SLC5A11: variants seen among roughly 807,000 people sequenced by gnomAD.
The protein encoded by SLC5A11 is solute carrier family 5 member 11.
A neutral mutation model predicts 69.8 loss-of-function variants in SLC5A11; 48 were observed. That is an observed-to-expected ratio of 0.69 (90% CI 0.55 to 0.87). The LOEUF (loss-of-function observed/expected upper bound fraction) is 0.87, where lower values mean the gene tolerates loss of function less well. Among genes scored for constraint, SLC5A11 ranks in the 40% least tolerant of loss-of-function variants. The probability of loss-of-function intolerance (pLI) is 0.00; values close to 1 mark genes in which losing one functional copy is unlikely to be tolerated. For missense variants in SLC5A11, 784 were observed against 866.1 expected (o/e 0.91, Z 1.19); for synonymous variants, 319 against 342.4 (o/e 0.93, Z 0.75).
chr16:24,856,170 G>A (rs1370792414), intron 1 of SLC5A11, among the ~76,000 whole-genome samples: 1 of 152,220 alleles, frequency 6.6e-6, no homozygotes, highest in African/African-American at 2.4e-5. Flanking sequence ...GCATTCAGCA[G>A]GGGGAGGCCT....
At chr16:24,846,462 CA>C (rs2059017734) in intron 1 of SLC5A11, 24 bp downstream of exon 2, 1 of 152,744 alleles carries the variant, frequency 6.5e-6, no homozygotes, top group South Asian at 2.1e-4. Context: ...TGCCCCCAAA[CA>C]GGTAGCCACT....
At chr16:24,892,786 G>T (rs1450313158) in intron 9 of SLC5A11, among the ~76,000 whole-genome samples, 1 of 152,134 alleles carries the variant, frequency 6.6e-6, no homozygotes, top group Non-Finnish European at 1.5e-5. Context: ...AGACTTCAGA[G>T]AATGAAACCC....
chr16:24,868,742 TAAG>T (rs1323611594), intron 3 of SLC5A11, among the ~76,000 whole-genome samples: 2 of 152,016 alleles, frequency 1.3e-5, no homozygotes, highest in Non-Finnish European at 2.9e-5. Flanking sequence ...GGAAAGTCAA[TAAG>T]GAGGTAAAAT....
chr16:24,902,332 A>T (rs1301924359), intron 10 of SLC5A11, among the ~76,000 whole-genome samples: 3 of 152,072 alleles, frequency 2.0e-5, no homozygotes, highest in Admixed American at 2.0e-4. Context: ...TAAGGGGGAA[A>T]AAAAAAAGGA....
chr16:24,905,401 C>G (rs1329603884), intron 10 of SLC5A11, among the ~76,000 whole-genome samples: 1 of 151,256 alleles, frequency 6.6e-6, no homozygotes, highest in Non-Finnish European at 1.5e-5. Flanking sequence ...CGAGATTGTG[C>G]CACGCACTCC....
At chr16:24,863,084 T>C (rs1204833388) in intron 3 of SLC5A11, among the ~76,000 whole-genome samples, 2 of 143,826 alleles carry the variant, frequency 1.4e-5, no homozygotes, top group African/African-American at 2.5e-5. Context: ...TTATATATTA[T>C]ATATAATAGA....
intron 8 of SLC5A11, among the ~76,000 whole-genome samples, chr16:24,888,831 C>G (rs2048577401): frequency 1.8e-5 from 2 of 111,200 alleles, no homozygotes; most frequent in Non-Finnish European, 1.7e-5. Context: ...GAGTCTGGCT[C>G]TGTTGCCCAG....
intron 1 of SLC5A11, among the ~76,000 whole-genome samples, chr16:24,851,490 A>C (rs1398318004): frequency 6.6e-6 from 1 of 152,086 alleles, no homozygotes; most frequent in Non-Finnish European, 1.5e-5. Flanking sequence ...GGTTGCAGTG[A>C]GCCAAGATTG....
At chr16:24,896,411 T>C (rs1250802914) in intron 9 of SLC5A11, among the ~76,000 whole-genome samples, 1 of 151,740 alleles carries the variant, frequency 6.6e-6, no homozygotes, top group Non-Finnish European at 1.5e-5. Context: ...AGGAGGATCA[T>C]TTGAGCCCAG....
At chr16:24,850,187 C>T (rs948527709) in intron 1 of SLC5A11, among the ~76,000 whole-genome samples, 1 of 152,058 alleles carries the variant, frequency 6.6e-6, no homozygotes, top group East Asian at 1.9e-4. Context: ...CGGCCTCAAG[C>T]GATCTTCATG....
At chr16:24,851,670 A>G (rs1365276338) in intron 1 of SLC5A11, among the ~76,000 whole-genome samples, 3 of 152,238 alleles carry the variant, frequency 2.0e-5, no homozygotes, top group Non-Finnish European at 4.4e-5. Context: ...AGTACTCTGT[A>G]TTTAATCACA....
intron 9 of SLC5A11, among the ~76,000 whole-genome samples, chr16:24,897,142 T>TA (rs1416397479): frequency 1.3e-5 from 2 of 151,734 alleles, no homozygotes; most frequent in Non-Finnish European, 1.5e-5. Flanking sequence ...TTTATAGAGA[T>TA]AGAGTTTCAC....
At chr16:24,883,845 C>G (rs2048208250) in intron 7 of SLC5A11, among the ~76,000 whole-genome samples, 1 of 152,230 alleles carries the variant, frequency 6.6e-6, no homozygotes, top group Non-Finnish European at 1.5e-5. Flanking sequence ...GCGGAGAAAT[C>G]AACTTCACCT....
At chr16:24,874,954 CTTGTCTAGGACTTTTGTCCAT>C (rs2047571521) in intron 5 of SLC5A11, among the ~76,000 whole-genome samples, 1 of 151,970 alleles carries the variant, frequency 6.6e-6, no homozygotes, top group African/African-American at 2.4e-5. Flanking sequence ...GAGGAAGTAA[CTTGTCTAGGACTTTTGTCCAT>C]TTTTCTATTA....
intron 14 of SLC5A11, 123 bp downstream of exon 15, chr16:24,909,219 G>A: frequency 1.0e-6 from 1 of 959,592 alleles, no homozygotes; most frequent in Non-Finnish European, 1.6e-6. Flanking sequence ...CAGGGTTGAG[G>A]TTCAGGGGCA....
rs148922586 is a variant in SLC5A11 at position 24,898,541 on chromosome 16, C to T, written c.1006+432C>T. ...TTTTTTTTGCATTTTTTTTTTGAGA[C>T]GGAGTCTTGCACTGTCGCCCAGGCT... On this transcript the variant is annotated intron_variant, in intron 10 of 15. Transcript: ENST00000347898. Among the ~76,000 whole-genome samples, 315 of 144,454 alleles carry T rather than the reference C, an allele frequency of 2.2e-3. 4 individuals are homozygous for T. The highest frequency in any genetic ancestry group is 7.6e-3 in the African/African-American group (296 of 38,816). 94.8% of individuals were successfully genotyped at this position (144,454 alleles called of 152,430 possible).
intron 9 of SLC5A11, among the ~76,000 whole-genome samples, chr16:24,891,499 T>A (rs933785152): frequency 6.6e-6 from 1 of 151,790 alleles, no homozygotes; most frequent in Admixed American, 6.6e-5. Context: ...TATTATTATT[T>A]TTTAGTAGAG....
In SLC5A11 at chr16:24,876,500, A is replaced by G. The variant is rs528252409; in HGVS notation, c.478-758A>G. 4.6e-5 allele frequency among the ~76,000 whole-genome samples: 7 copies of G among 152,292 alleles called. No homozygotes were observed. In the South Asian group the frequency reaches 1.4e-3, roughly 32 times the overall value. On this transcript the variant is annotated intron_variant, in intron 6 of 15. Coordinates refer to ENST00000347898, the Ensembl canonical transcript of SLC5A11. Reference sequence around the variant, plus strand: ...AACAGGTGTATTGCAACCTCCAGACATGTGCCCCTCAGCAGAAGCTGTCTT... The same window carrying G: ...AACAGGTGTATTGCAACCTCCAGACGTGTGCCCCTCAGCAGAAGCTGTCTT...
At chr16:24,846,196 G>A (rs1032657869) in exon 1 of SLC5A11, 17 of 152,638 alleles carry the variant, frequency 1.1e-4, no homozygotes, top group African/African-American at 4.1e-4. Context: ...TCTGCCCTGG[G>A]GAGATCATTC....
Sources: gnomAD v4.1 joint callset for allele counts (sites outside exome capture counted in the v4.1 genomes callset) on GRCh38, gnomAD v4.1.1 for gene constraint, MANE v1.5 for transcripts, NCBI Gene and HGNC (gene_info 2026-07-23, HGNC 2026-07-21) for gene names.